The following FAM20A variants were observed in gnomAD, a reference collection of about 807,000 sequenced individuals.
FAM20A encodes pseudokinase FAM20A.
In FAM20A, 42 loss-of-function variants were observed where a neutral mutation model predicts 52.0. The ratio of observed to expected loss-of-function variants is 0.81; its 90% CI spans 0.63 to 1.04. The LOEUF is 1.04. Among genes scored for constraint, FAM20A ranks in the 50% least tolerant of loss-of-function variants. The pLI is 0.00. For missense variants in FAM20A, 742 were observed against 712.7 expected (o/e 1.04, Z -0.47); for synonymous variants, 304 against 298.9 (o/e 1.02, Z -0.18).
chr17:68,581,392 T>TTCTTTCTTTCTTTCTTTCTTTCTTTCTC, intron 1 of FAM20A, among the ~76,000 whole-genome samples: 1 of 147,448 alleles, frequency 6.8e-6, no homozygotes, highest in Admixed American at 6.8e-5. Context: ...CTTTCTTTCT[T>TTCTTTCTTTCTTTCTTTCTTTCTTTCTC]TCTTTCTTTC....
chr17:68,566,060 C>G (rs1188310735), intron 1 of FAM20A, among the ~76,000 whole-genome samples: 2 of 152,146 alleles, frequency 1.3e-5, no homozygotes, highest in African/African-American at 4.8e-5. Flanking sequence ...CCTTGGAATG[C>G]CTTCTTCTAC....
intron 1 of FAM20A, among the ~76,000 whole-genome samples, chr17:68,575,647 AT>A: frequency 9.0e-6 from 1 of 111,248 alleles, no homozygotes; most frequent in East Asian, 2.3e-4. Flanking sequence ...AGAATATTAT[AT>A]TTTATATATA....
chr17:68,574,430 G>T (rs750407820), intron 1 of FAM20A, among the ~76,000 whole-genome samples: 1 of 152,084 alleles, frequency 6.6e-6, no homozygotes, highest in South Asian at 2.1e-4. Flanking sequence ...CCGTTAATCT[G>T]TTAATCCATG....
intron 1 of FAM20A, among the ~76,000 whole-genome samples, chr17:68,579,025 A>C (rs1239380842): frequency 1.3e-5 from 2 of 151,470 alleles, no homozygotes; most frequent in African/African-American, 2.4e-5. Context: ...AAAAAAAAAA[A>C]AAAACATGTC....
chr17:68,545,892 G>A (rs1045143038), intron 4 of FAM20A, among the ~76,000 whole-genome samples: 37 of 152,264 alleles, frequency 2.4e-4, no homozygotes, highest in African/African-American at 8.4e-4. Context: ...CTTATTGGTC[G>A]GGTGCGGTGG....
intron 10 of FAM20A, 51 bp downstream of exon 10, chr17:68,539,286 G>A (rs373199897): frequency 2.4e-5 from 39 of 1,592,952 alleles, no homozygotes; most frequent in Non-Finnish European, 4.3e-6. Context: ...CAAGCAGCAT[G>A]AAGGGTCACA....
chr17:68,543,912 G>A (rs1442764770), intron 4 of FAM20A, among the ~76,000 whole-genome samples, 191 bp from the exon 5 acceptor site: 1 of 152,184 alleles, frequency 6.6e-6, no homozygotes, highest in Non-Finnish European at 1.5e-5. Context: ...AAAGTGGGAG[G>A]AGACAGGCTT....
rs767592148 is a variant in FAM20A, at chr17:68,554,797, C to G, written c.620G>C (p.Gly207Ala). ...CTTACTCTGGGTGCAGTCACATGCC[C>G]CCAGCAAGGCTTTCTCATCTTGACT... ...DYSQDEKALL[G>A]ACDCTQIVKP... The change falls in exon 3 of 11, where the codon GGG (glycine) becomes GCG (alanine). Residue 207 changes from glycine (G) to alanine (A), a missense_variant. By Grantham distance (60) the Gly-to-Ala change is moderately conservative (BLOSUM62 0). Coordinates refer to ENST00000592554, the MANE Select transcript of FAM20A (RefSeq NM_017565.4). The G allele has an allele frequency of 8.1e-6, 13 of 1,614,102 alleles. No homozygotes were observed. The highest frequency in any genetic ancestry group is 7.6e-6 in the Non-Finnish European group (9 of 1,180,008).
At position 68,537,586 on chromosome 17, in the gene FAM20A, A is replaced by T; in HGVS notation, c.1517T>A (p.Leu506Gln). The change falls in exon 11 of 11, where the codon CTA (leucine) becomes CAA (glutamine). Residue 506 changes from leucine to glutamine, a missense_variant. Leu to Gln is a moderately radical substitution (Grantham distance 113, BLOSUM62 -2). Transcript: ENST00000592554. This position sits in a 1 kb window ranked among gnomAD's most constrained non-coding sequence, Gnocchi z 4.2. ...CACTATGCACCCCTCCACTGTCCTT[A>T]GGATGGTTTGGAGCCTTCGATCCAG... ...LALDRRLQTI[L>Q]RTVEGCIVAH... is the part of the protein sequence containing the mutation. 5 of 1,613,600 alleles carry T rather than the reference A, an allele frequency of 3.1e-6. No individual in the cohort carries two copies. The highest frequency in any genetic ancestry group is 4.2e-6 in the Non-Finnish European group (5 of 1,179,656).
chr17:68,590,863 C>T (rs1317004472), intron 1 of FAM20A, among the ~76,000 whole-genome samples: 2 of 152,124 alleles, frequency 1.3e-5, no homozygotes, highest in African/African-American at 2.4e-5. Context: ...ATTGGTTGGA[C>T]GGTGGGAATC....
intron 1 of FAM20A, among the ~76,000 whole-genome samples, chr17:68,590,532 A>G (rs2088275276): frequency 6.6e-6 from 1 of 152,220 alleles, no homozygotes; most frequent in Non-Finnish European, 1.5e-5. Flanking sequence ...ATGCTCTCAC[A>G]AAAAGACCAA....
intron 1 of FAM20A, among the ~76,000 whole-genome samples, chr17:68,585,484 T>C (rs2088140967): frequency 6.6e-6 from 1 of 152,184 alleles, no homozygotes. Flanking sequence ...AATTTTTCTT[T>C]TTTTAAATTA....
intron 2 of FAM20A, 134 bp from the exon 3 acceptor site, chr17:68,554,961 C>G (rs574268128): frequency 1.2e-5 from 10 of 862,496 alleles, no homozygotes; most frequent in Non-Finnish European, 1.9e-5. Context: ...TTGACCACTC[C>G]GTGGGAGGTC....
intron 8 of FAM20A, 97 bp from the exon 9 acceptor site, chr17:68,540,063 T>A: frequency 9.6e-7 from 1 of 1,045,428 alleles, no homozygotes; most frequent in Admixed American, 1.9e-5. Flanking sequence ...CTGTCATCAC[T>A]TGAGAGACAG....
chr17:68,591,557 A>T (rs28461894), intron 1 of FAM20A, among the ~76,000 whole-genome samples: 5,684 of 152,318 alleles, frequency 0.037, 255 homozygotes, highest in East Asian at 0.12. Context: ...ATACTTAAAA[A>T]ATATAATGAC....
At position 68,601,316 on chromosome 17, in the gene FAM20A, C is replaced by G. The variant is rs1393073636; in HGVS notation, c.-650G>C. 6.6e-6 allele frequency: 1 copy of G among 152,554 alleles called. No individual in the cohort carries two copies. Among genetic ancestry groups the G allele is most frequent in the Non-Finnish European group, 1.5e-5 (1 of 68,418 alleles). The allele number at this position is 152,554 out of a possible 1,614,324, so 9.5% of individuals were successfully genotyped here. On this transcript the variant is annotated 5_prime_UTR_variant, in exon 1 of 11. Transcript: ENST00000592554. ...CCCCGAGCCTGGCCTGGCGCCGGCA[C>G]CCCCACCCACTCTCCGCTGGCACCT...
intron 1 of FAM20A, among the ~76,000 whole-genome samples, chr17:68,573,483 TTCTTTCCTTTCTTTC>T (rs2087630211): frequency 6.6e-6 from 1 of 151,632 alleles, no homozygotes; most frequent in Non-Finnish European, 1.5e-5. Context: ...TTCTCTTTCT[TTCTTTCCTTTCTTTC>T]TCTCTCTTTC....
chr17:68,539,605 C>T lies in FAM20A; in HGVS notation c.1302-209G>A, dbSNP rs2286557. 0.31 allele frequency among the ~76,000 whole-genome samples: 47,011 copies of T among 152,204 alleles called. 7,577 individuals carry two copies. The highest frequency in any genetic ancestry group is 0.56 in the East Asian group (2,879 of 5,176). ...AGCTAAGCAATCCTTCATTCATTCA[C>T]TAGCTGCAGAGGGCCAGCCACTGAG... is the stretch of plus-strand genomic sequence containing the variant. On this transcript the variant is annotated intron_variant, in intron 9 of 10. Coordinates refer to ENST00000592554, the MANE Select transcript of FAM20A (RefSeq NM_017565.4).
intron 1 of FAM20A, chr17:68,590,434 G>GTGAACCCGTGGGAGAAAGAGACA (rs1157896469): frequency 2.0e-5 from 3 of 151,576 alleles, no homozygotes; most frequent in South Asian, 2.1e-4. Context: ...AGAAAGAGAC[G>GTGAACCCGTGGGAGAAAGAGACA]TGAACCCGTG....
Sources: gnomAD v4.1 joint callset for allele counts (sites outside exome capture counted in the v4.1 genomes callset) on GRCh38, gnomAD v4.1.1 for gene constraint, Gnocchi (gnomAD v3.1) non-coding constraint, MANE v1.5 for transcripts, NCBI Gene and HGNC (gene_info 2026-07-23, HGNC 2026-07-21) for gene names.